VPS13C: variants seen among roughly 807,000 people sequenced by gnomAD.
The protein encoded by VPS13C is vacuolar protein sorting 13 homolog C.
Under a neutral mutation model 456.8 loss-of-function variants are expected in VPS13C, and 358 were observed. The observed-to-expected ratio is 0.78, with a 90% confidence interval of 0.72 to 0.86. The LOEUF (loss-of-function observed/expected upper bound fraction) is 0.86. VPS13C is among the 40% of genes least tolerant of loss of function. The pLI is 0.00. For synonymous variants in VPS13C, 1,578 were observed against 1,486.7 expected (o/e 1.06, Z -1.41); for missense variants, 4,818 against 4,385.4 (o/e 1.10, Z -2.79).
intron 18 of VPS13C, among the ~76,000 whole-genome samples, chr15:61,990,693 C>T (rs2140419105): frequency 6.6e-6 from 1 of 152,164 alleles, no homozygotes; most frequent in African/African-American, 2.4e-5. Flanking sequence ...TGCCTGTAAT[C>T]CCAGCTACTC....
Position 61,969,327 on chromosome 15 carries a change from T to A in VPS13C, c.2883A>T (p.Lys961Asn). ...FDLTVVSYLK[K>N]ISLDYHEIEG... ...CAATTTCATGATAATCCAAGCTGAT[T>A]TTCTTTAAATAAGATACCACAGTTA... The change falls in exon 28 of 85, where the codon AAA becomes AAT. Residue 961 changes from lysine (K) to asparagine (N), a missense_variant. This residue lies in a region of VPS13C where 4,552 missense variants were observed against 4,130.6 expected (regional missense o/e 1.10). Coordinates refer to ENST00000644861, the MANE Select transcript of VPS13C (RefSeq NM_020821.3). 2 of 1,601,650 alleles carry A rather than the reference T, an allele frequency of 1.2e-6. No homozygotes were observed. The highest frequency in any genetic ancestry group is 2.3e-5 in the South Asian group (2 of 88,016).
intron 1 of VPS13C, among the ~76,000 whole-genome samples, chr15:62,044,593 C>G (rs896060677): frequency 3.3e-5 from 5 of 152,090 alleles, no homozygotes; most frequent in African/African-American, 1.2e-4. Flanking sequence ...AAGCCAAAAT[C>G]TCAAGATATA....
rs751907327 is a variant in VPS13C, at chr15:61,918,117, A to G, written c.7760+19T>C. 2.6e-6 allele frequency: 4 copies of G among 1,561,994 alleles called. No homozygotes were observed. The highest frequency in any genetic ancestry group is 3.4e-6 in the Non-Finnish European group (4 of 1,163,392). ...CAACTCAATACATTTAAAGTTTAAT[A>G]CATTTAAGAAGTATCTACCTATATG... On this transcript the variant is annotated intron_variant, in intron 59 of 84. Coordinates refer to ENST00000644861, the MANE Select transcript of VPS13C (RefSeq NM_020821.3).
intron 24 of VPS13C, among the ~76,000 whole-genome samples, chr15:61,976,163 T>C (rs1410342185): frequency 6.6e-6 from 1 of 152,048 alleles, no homozygotes; most frequent in Non-Finnish European, 1.5e-5. Context: ...TTTCAAATTT[T>C]TGGTCTTTGG....
chr15:61,962,634 A>G (rs1417759895), intron 33 of VPS13C, 96 bp from the exon 34 acceptor site: 3 of 1,349,342 alleles, frequency 2.2e-6, no homozygotes, highest in Non-Finnish European at 3.0e-6. Flanking sequence ...TCTTTATAAA[A>G]AAATTTTTCT....
chr15:61,927,099 T>A lies in VPS13C; in HGVS notation c.6508A>T (p.Ile2170Phe), dbSNP rs762121783. 1 of 1,613,954 alleles carries A rather than the reference T, an allele frequency of 6.2e-7. No individual in the cohort carries two copies. The highest frequency in any genetic ancestry group is 1.1e-5 in the South Asian group (1 of 91,046). Residue 2170 changes from isoleucine to phenylalanine, a missense_variant, in exon 52 of 85, where the codon ATT (isoleucine) becomes TTT (phenylalanine). Physicochemically the swap from Ile to Phe is conservative, Grantham distance 21. This residue lies in a region of VPS13C where 4,552 missense variants were observed against 4,130.6 expected (regional missense o/e 1.10). Transcript: ENST00000644861. ...CACAAGGTAATTCTTACTGTGGTAA[T>A]GTTTTTCCCTCTCTTTTCTCTGAGA... The part of the protein sequence containing the change: ...PFLREKRGKN[I>F]TTVLQPCSLF...
rs560419848 is a variant in VPS13C at position 61,913,170 on chromosome 15, C to T, written c.8550+141G>A. The T allele has an allele frequency of 6.3e-4, 400 of 639,688 alleles. 5 individuals carry two copies. The South Asian group carries it at 7.5e-3, about 12-fold the overall frequency. The allele number at this position is 639,688 out of a possible 1,614,324, so 39.6% of individuals were successfully genotyped here. A position where few individuals can be genotyped will look rare whatever the true frequency, so the allele number is the denominator to read the frequency against. On this transcript the variant is annotated intron_variant, in intron 62 of 84. Transcript: ENST00000644861. The stretch of plus-strand genomic sequence containing the variant: ...TAGAAATACCATTTGACCCAGCCAT[C>T]CCATTACTGGGTATATACCCAAAGG...
rs761676636 is a variant in VPS13C, at chr15:61,907,397, C to T, written c.8979-7G>A. 6.2e-7 allele frequency: 1 copy of T among 1,612,974 alleles called. No individual in the cohort carries two copies. Reference sequence around the variant, plus strand: ...CATTTCTTCTGGTGACCCACTAAAACACAATGAACAGAGAGAAAATCAGAA... The same window carrying T: ...CATTTCTTCTGGTGACCCACTAAAATACAATGAACAGAGAGAAAATCAGAA... On this transcript the variant is annotated splice_region_variant and splice_polypyrimidine_tract_variant and intron_variant, in intron 65 of 84. Coordinates refer to ENST00000644861, the MANE Select transcript of VPS13C (RefSeq NM_020821.3).
chr15:62,038,467 G>A (rs961330673), intron 3 of VPS13C, among the ~76,000 whole-genome samples: 2 of 152,002 alleles, frequency 1.3e-5, no homozygotes, highest in Non-Finnish European at 2.9e-5. Context: ...CACACCCGTC[G>A]TTTCAGCAAC....
At chr15:62,033,293 G>A in intron 5 of VPS13C, 148 bp downstream of exon 5, 1 of 438,686 alleles carries the variant, frequency 2.3e-6, no homozygotes, top group Admixed American at 4.4e-5. Flanking sequence ...AGTGAGTCAT[G>A]AAAATATAAG....
At chr15:61,877,145 T>C in intron 74 of VPS13C, 91 bp from the exon 75 acceptor site, 1 of 883,662 alleles carries the variant, frequency 1.1e-6, no homozygotes, top group African/African-American at 1.7e-5. Flanking sequence ...ATGCTAATCA[T>C]AGCCAATTCT....
rs144512255 is a variant in VPS13C at position 61,874,877 on chromosome 15, T to C, written c.10413A>G (p.Val3471=). 2.7e-4 allele frequency: 437 copies of C among 1,592,402 alleles called. 2 individuals are homozygous for C. The African/African-American group carries it at 5.5e-3, about 20-fold the overall frequency. Residue 3471 remains valine, a splice_region_variant and synonymous_variant, in exon 77 of 85, where the codon GTA becomes GTG. Transcript: ENST00000644861. ...TATACACAAATATGTGATACATACC[T>C]ACTGTGTGTCCAAAGAGGCTTCTCA... ...IGVRSLFGHT[V]GGAAGVVSRI... is the part of the protein sequence containing the mutation.
chr15:62,035,149 T>C, intron 3 of VPS13C, 97 bp from the exon 4 acceptor site: 1 of 768,910 alleles, frequency 1.3e-6, no homozygotes, highest in Non-Finnish European at 2.1e-6. Context: ...TAAAAAACTC[T>C]TCATGGTATG....
chr15:62,015,960 CA>C (rs67786303), intron 9 of VPS13C, among the ~76,000 whole-genome samples: 9,499 of 72,330 alleles, frequency 0.13, 544 homozygotes, highest in Admixed American at 0.18. Flanking sequence ...AAAAGAAGTC[CA>C]AAAAAAAAAA....
intron 16 of VPS13C, among the ~76,000 whole-genome samples, chr15:61,995,193 T>C (rs2046343568): frequency 6.6e-6 from 1 of 152,236 alleles, no homozygotes; most frequent in Non-Finnish European, 1.5e-5. Flanking sequence ...TTTAGTTCCA[T>C]GGTGGCATAA....
chr15:61,914,366 C>G (rs1427718895), intron 61 of VPS13C, among the ~76,000 whole-genome samples: 4 of 151,808 alleles, frequency 2.6e-5, no homozygotes. Flanking sequence ...GTCAGGAGTT[C>G]GAGACCAGAC....
rs372868009 is a variant in VPS13C, at chr15:61,922,567, G to A, written c.6805C>T (p.His2269Tyr). ...EITESFKGIE[H>Y]SLIEENCGVV... ...CCACAATTTTCCTCTATCAGTGAAT[G>A]TTCAATGCCTTTGAAGCTTTCCGTT... Residue 2269 changes from histidine (H) to tyrosine (Y), a missense_variant, in exon 54 of 85, where the codon CAT becomes TAT. Transcript: ENST00000644861. 2 of 1,613,962 alleles carry A rather than the reference G, an allele frequency of 1.2e-6. No individual in the cohort carries two copies. Among genetic ancestry groups the A allele is most frequent in the Non-Finnish European group, 1.7e-6 (2 of 1,179,982 alleles).
intron 32 of VPS13C, 85 bp downstream of exon 32, chr15:61,963,750 T>C (rs2045289823): frequency 1.0e-6 from 1 of 955,214 alleles, no homozygotes; most frequent in Non-Finnish European, 1.6e-6. Context: ...AGCCCTTTAT[T>C]TGTACATTCT....
intron 82 of VPS13C, among the ~76,000 whole-genome samples, chr15:61,861,341 T>C (rs1894217225): frequency 6.6e-6 from 1 of 152,174 alleles, no homozygotes; most frequent in Non-Finnish European, 1.5e-5. Flanking sequence ...AGACCTGTTT[T>C]AATATATAAA....
Sources: gnomAD v4.1 joint callset for allele counts (sites outside exome capture counted in the v4.1 genomes callset) on GRCh38, gnomAD v4.1.1 for gene constraint, gnomAD v4.1.1 regional missense constraint, MANE v1.5 for transcripts, NCBI Gene and HGNC (gene_info 2026-07-23, HGNC 2026-07-21) for gene names.